Variants in ZNF318 observed in about 807,000 individuals in gnomAD.
ZNF318 encodes zinc finger protein 318.
ZNF318 carries 51 observed loss-of-function variants against 124.2 expected under a neutral mutation model. The ratio of observed to expected loss-of-function variants is 0.41; its 90% CI spans 0.33 to 0.52. ZNF318 has a LOEUF of 0.52. Among genes scored for constraint, ZNF318 ranks in the 20% least tolerant of loss-of-function variants. The pLI is 0.23. For missense variants in ZNF318, 2,815 were observed against 2,811.2 expected (o/e 1.00, Z -0.03); for synonymous variants, 1,090 against 1,040.7 (o/e 1.05, Z -0.91).
Position 43,359,943 on chromosome 6 carries a change from T to C in ZNF318, c.549-2178A>G, listed in dbSNP as rs41362446. Among the ~76,000 whole-genome samples, 466 of 152,326 alleles carry C rather than the reference T, an allele frequency of 3.1e-3. 4 individuals carry two copies. Among genetic ancestry groups the C allele is most frequent in the African/African-American group, 0.01 (436 of 41,568 alleles). ...AAACTGAGGTAAAAATTTTTCTCTA[T>C]AGGTCTGTCAGCCATAAACACACCT... is the stretch of plus-strand genomic sequence containing the variant. On this transcript the variant is annotated intron_variant, in intron 2 of 9. Coordinates refer to ENST00000361428, the MANE Select transcript of ZNF318 (RefSeq NM_014345.3).
At chr6:43,360,273 A>G (rs768534600) in intron 2 of ZNF318, among the ~76,000 whole-genome samples, 2 of 152,228 alleles carry the variant, frequency 1.3e-5, no homozygotes, top group Non-Finnish European at 2.9e-5. Flanking sequence ...GCATAAAAAC[A>G]GTTTTCTTAA....
At chr6:43,353,876 A>G (rs916868210) in intron 4 of ZNF318, among the ~76,000 whole-genome samples, 3 of 152,162 alleles carry the variant, frequency 2.0e-5, no homozygotes, top group African/African-American at 7.2e-5. Context: ...GAATTATTAT[A>G]TCTTTACCCC....
Position 43,369,318 on chromosome 6 carries a change from T to A in ZNF318, c.48A>T (p.Lys16Asn). Residue 16 changes from lysine to asparagine, a missense_variant, in exon 1 of 10, where the codon AAA becomes AAT. Transcript: ENST00000361428. ...ARSSVSSHRPKDDGGGGPRSG... is the reference protein window; with the variant it reads ...ARSSVSSHRPNDDGGGGPRSG... ...TGCGCGGGCCGCCCCCGCCGTCGTC[T>A]TTAGGCCGGTGGGAAGAGACGGAGG... 4 of 1,348,222 alleles carry A rather than the reference T, an allele frequency of 3.0e-6. No homozygotes were observed. The highest frequency in any genetic ancestry group is 3.8e-6 in the Non-Finnish European group (4 of 1,042,552). 83.5% of individuals were successfully genotyped at this position (1,348,222 alleles called of 1,614,324 possible). A position where few individuals can be genotyped will look rare whatever the true frequency, so the allele number is the denominator to read the frequency against.
intron 5 of ZNF318, among the ~76,000 whole-genome samples, chr6:43,351,094 T>C (rs193087608): frequency 3.2e-4 from 49 of 152,282 alleles, no homozygotes; most frequent in African/African-American, 1.1e-3. Flanking sequence ...TCTGTGATAG[T>C]CTCGCCAAAA....
chr6:43,369,304 C>A lies in ZNF318; in HGVS notation c.62G>T (p.Gly21Val), dbSNP rs1181675523. 1 of 1,345,448 alleles carries A rather than the reference C, an allele frequency of 7.4e-7. No homozygotes were observed. The highest frequency in any genetic ancestry group is 9.6e-7 in the Non-Finnish European group (1 of 1,041,376). 83.3% of individuals were successfully genotyped at this position (1,345,448 alleles called of 1,614,324 possible). A position where few individuals can be genotyped will look rare whatever the true frequency, so the allele number is the denominator to read the frequency against. Residue 21 changes from glycine to valine, a missense_variant, in exon 1 of 10, where the codon GGC becomes GTC. Physicochemically the swap from Gly to Val is moderately radical, Grantham distance 109. Around this residue, in one of 4 missense-constraint regions of ZNF318, gnomAD observed 1,377 missense variants for 1,353.5 expected, o/e 1.02. Coordinates refer to ENST00000361428, the MANE Select transcript of ZNF318 (RefSeq NM_014345.3). Reference protein sequence around the residue: ...SSHRPKDDGGGGPRSGRSSGS... With the variant: ...SSHRPKDDGGVGPRSGRSSGS... ...AGAGCTGCGGCCGCTGCGCGGGCCG[C>A]CCCCGCCGTCGTCTTTAGGCCGGTG...
intron 8 of ZNF318, 41 bp downstream of exon 8, chr6:43,342,071 G>C: frequency 2.6e-6 from 4 of 1,554,438 alleles, no homozygotes; most frequent in Non-Finnish European, 3.6e-6. Flanking sequence ...TTCCTCAACT[G>C]AATGTAAGGA....
At chr6:43,348,750 G>A in intron 5 of ZNF318, 125 bp from the exon 6 acceptor site, 1 of 1,127,958 alleles carries the variant, frequency 8.9e-7, no homozygotes, top group Non-Finnish European at 1.2e-6. Context: ...GTTTCTAAGA[G>A]TGGCTAGGCG....
At chr6:43,356,198 G>A (rs1779607140) in intron 3 of ZNF318, 53 bp from the exon 4 acceptor site, 5 of 1,531,942 alleles carry the variant, frequency 3.3e-6, no homozygotes, top group East Asian at 4.5e-5. Flanking sequence ...CAGAACATTA[G>A]TAATTGAGAT....
Position 43,339,414 on chromosome 6 carries a change from G to A in ZNF318, c.4584C>T (p.Asp1528=). ...GTACTAACACAGAGAACAGGGTCTG[G>A]TCTCGGTCACTCTCACTCACCCCAG... ...TAPGVSESDR[D]QTLFSVLVRP... is the part of the protein sequence containing the mutation. The change falls in exon 10 of 10, where the codon GAC becomes GAT. Residue 1528 remains aspartate (D), a synonymous_variant. Transcript: ENST00000361428. This position sits in a 1 kb window ranked among gnomAD's most constrained non-coding sequence, Gnocchi z 4.2. 6.2e-7 allele frequency: 1 copy of A among 1,613,570 alleles called. No homozygotes were observed. The highest frequency in any genetic ancestry group is 1.1e-5 in the South Asian group (1 of 91,044).
Position 43,337,425 on chromosome 6 carries a change from G to A in ZNF318, c.6573C>T (p.Leu2191=), listed in dbSNP as rs1424511185. 6.2e-7 allele frequency: 1 copy of A among 1,614,094 alleles called. No homozygotes were observed. ...ATTTAGAAGGGTCACCTGGCTCAGA[G>A]AGTGGAGAACACAGTTTATCTTTTT... ...GVQKDKLCSP[L]SEPGDPSKCS... is the part of the protein sequence containing the mutation. The change falls in exon 10 of 10, where the codon CTC becomes CTT. Residue 2191 remains leucine, a synonymous_variant. Coordinates refer to ENST00000361428, the MANE Select transcript of ZNF318 (RefSeq NM_014345.3).
intron 1 of ZNF318, among the ~76,000 whole-genome samples, chr6:43,367,981 T>C (rs1470596764): frequency 1.3e-5 from 2 of 152,188 alleles, no homozygotes; most frequent in Non-Finnish European, 2.9e-5. Flanking sequence ...GCTGAGATCA[T>C]GCCATTGCAC....
Position 43,357,715 on chromosome 6 carries a change from C to T in ZNF318, c.599G>A (p.Arg200Gln), listed in dbSNP as rs376454320. Reference protein sequence around the residue: ...SVFTRSSQCSRGLERYISQEE... With the variant: ...SVFTRSSQCSQGLERYISQEE... ...CTGGGAAATATATCGCTCAAGACCC[C>T]GAGAGCACTGGGAGCTTCGAGTGAA... Residue 200 changes from arginine (R) to glutamine (Q), a missense_variant, in exon 3 of 10, where the codon CGG becomes CAG. By Grantham distance (43) the Arg-to-Gln change is conservative (BLOSUM62 1). This residue lies in a region of ZNF318 where 1,377 missense variants were observed against 1,353.5 expected (regional missense o/e 1.02). Coordinates refer to ENST00000361428, the MANE Select transcript of ZNF318 (RefSeq NM_014345.3). The T allele has an allele frequency of 6.8e-6, 11 of 1,607,376 alleles. No homozygotes were observed. The highest frequency in any genetic ancestry group is 5.0e-5 in the Admixed American group (3 of 59,832).
Position 43,338,403 on chromosome 6 carries a change from T to C in ZNF318, c.5595A>G (p.Ala1865=), listed in dbSNP as rs749322828. The change falls in exon 10 of 10, where the codon GCA becomes GCG. Residue 1865 remains alanine (A), a synonymous_variant. Coordinates refer to ENST00000361428, the MANE Select transcript of ZNF318 (RefSeq NM_014345.3). ...LSPQACSFTK[A]KLDSFLSEAR... Reference sequence around the variant, plus strand: ...CTTCTGATAAAAATGAGTCTAATTTTGCCTTTGTGAAAGAGCAAGCCTGTG... The same window carrying C: ...CTTCTGATAAAAATGAGTCTAATTTCGCCTTTGTGAAAGAGCAAGCCTGTG... 1.9e-6 allele frequency: 3 copies of C among 1,614,234 alleles called. No individual in the cohort carries two copies. In the South Asian group the frequency reaches 3.3e-5, roughly 18 times the overall value.
chr6:43,355,254 G>A lies in ZNF318; in HGVS notation c.2080C>T (p.Pro694Ser), dbSNP rs1207787275. 3 of 1,614,074 alleles carry A rather than the reference G, an allele frequency of 1.9e-6. No individual in the cohort carries two copies. Among genetic ancestry groups the A allele is most frequent in the Non-Finnish European group, 2.5e-6 (3 of 1,180,036 alleles). ...GGATCCACAGGAGAAGGTGGGTGTG[G>A]ATGGGACACCTCTGGAGAGTGGGTA... ...SNTHSPEVSH[P>S]HPPSPVDPYL... Residue 694 changes from proline (P) to serine (S), a missense_variant, in exon 4 of 10, where the codon CCA (proline) becomes TCA (serine). Pro to Ser is a moderately conservative substitution (Grantham distance 74). Transcript: ENST00000361428.
chr6:43,356,570 T>C (rs1779611222), intron 3 of ZNF318, among the ~76,000 whole-genome samples: 2 of 152,324 alleles, frequency 1.3e-5, no homozygotes, highest in Non-Finnish European at 2.9e-5. Context: ...CTTTATCTCC[T>C]AAGAGGACAG....
At position 43,348,498 on chromosome 6, in the gene ZNF318, T is replaced by C; in HGVS notation, c.2898A>G (p.Ala966=). The part of the protein sequence containing the change: ...IAELRQEAEE[A]EKKQSELDKV... ...TGTCCAGTTCAGATTGCTTCTTTTCTGCCTCTTCTGCCTCTTGCCGTAGCT... is the reference window on the plus strand; with the variant it reads ...TGTCCAGTTCAGATTGCTTCTTTTCCGCCTCTTCTGCCTCTTGCCGTAGCT... Residue 966 remains alanine (A), a synonymous_variant, in exon 6 of 10, where the codon GCA becomes GCG. Coordinates refer to ENST00000361428, the MANE Select transcript of ZNF318 (RefSeq NM_014345.3). 1 of 1,614,216 alleles carries C rather than the reference T, an allele frequency of 6.2e-7. No individual in the cohort carries two copies. The highest frequency in any genetic ancestry group is 1.3e-5 in the African/African-American group (1 of 75,042).
chr6:43,339,677 G>A lies in ZNF318; in HGVS notation c.4321C>T (p.Leu1441=), dbSNP rs1472823971. 7.4e-6 allele frequency: 12 copies of A among 1,613,454 alleles called. No homozygotes were observed. The highest frequency in any genetic ancestry group is 2.2e-5 in the South Asian group (2 of 91,050). ...SEPSHLPEQI[L]PPPPPPPPPP... ...GGTGGGGGTGGTGGAGGAGGTGGTA[G>A]TATTTGTTCAGGTAAATGAGATGGC... is the stretch of plus-strand genomic sequence containing the variant. Residue 1441 remains leucine, a synonymous_variant, in exon 10 of 10, where the codon CTA becomes TTA. Coordinates refer to ENST00000361428, the MANE Select transcript of ZNF318 (RefSeq NM_014345.3). This position sits in a 1 kb window ranked among gnomAD's most constrained non-coding sequence, Gnocchi z 4.2.
intron 6 of ZNF318, among the ~76,000 whole-genome samples, chr6:43,347,095 A>G (rs1243849117): frequency 6.6e-6 from 1 of 152,242 alleles, no homozygotes; most frequent in African/African-American, 2.4e-5. Flanking sequence ...GAAGTAATTT[A>G]AGATCCAATC....
chr6:43,338,550 T>A lies in ZNF318; in HGVS notation c.5448A>T (p.Arg1816Ser). The A allele has an allele frequency of 6.2e-7, 1 of 1,614,230 alleles. No homozygotes were observed. The highest frequency in any genetic ancestry group is 1.1e-5 in the South Asian group (1 of 91,086). The change falls in exon 10 of 10, where the codon AGA becomes AGT. Residue 1816 changes from arginine (R) to serine (S), a missense_variant. Arg to Ser is a moderately radical substitution (Grantham distance 110). This residue lies in a region of ZNF318 where 927 missense variants were observed against 820.6 expected (regional missense o/e 1.13). Transcript: ENST00000361428. ...IDDSNLNHGN[R>S]YMWEGEVKQP... is the part of the protein sequence containing the mutation. ...GTTTTACTTCTCCCTCCCACATGTA[T>A]CTGTTTCCATGGTTCAAATTAGAAT... is the stretch of plus-strand genomic sequence containing the variant.
Sources: allele counts gnomAD v4.1 joint callset (sites outside exome capture counted in the v4.1 genomes callset), GRCh38; gene constraint gnomAD v4.1.1; regional missense constraint gnomAD v4.1.1; non-coding constraint Gnocchi (gnomAD v3.1); transcripts MANE v1.5; gene names NCBI Gene and HGNC (gene_info 2026-07-23, HGNC 2026-07-21).